The following ADAMTSL1 variants were observed in gnomAD, a reference collection of about 807,000 sequenced individuals.
ADAMTSL1 encodes ADAMTS-like protein 1.
A neutral mutation model predicts 201.8 loss-of-function variants in ADAMTSL1; 126 were observed. That is an observed-to-expected ratio of 0.62 (90% CI 0.54 to 0.72). The LOEUF (loss-of-function observed/expected upper bound fraction) is 0.72, where lower values mean the gene tolerates loss of function less well. Ranked by LOEUF, ADAMTSL1 falls within the 30% of genes least tolerant of loss-of-function variation. The probability of loss-of-function intolerance (pLI) is 0.00; values close to 1 mark genes in which losing one functional copy is unlikely to be tolerated. For synonymous variants in ADAMTSL1, 1,121 were observed against 903.4 expected, an observed-to-expected ratio of 1.24 and a Z score of -4.32; for missense variants, 2,679 against 2,277.8, an observed-to-expected ratio of 1.18 and a Z score of -3.59.
At chr9:18,724,909 C>CAT (rs1817774734) in intron 15 of ADAMTSL1, among the ~76,000 whole-genome samples, 1 of 148,444 alleles carries the variant, frequency 6.7e-6, no homozygotes, top group Non-Finnish European at 1.5e-5. Flanking sequence ...AGGATTGAAC[C>CAT]TTTTTTTTTT....
intron 4 of ADAMTSL1, among the ~76,000 whole-genome samples, chr9:18,574,811 A>G (rs1822604114): frequency 1.3e-5 from 2 of 152,186 alleles, no homozygotes; most frequent in Non-Finnish European, 1.5e-5. Context: ...AATCTTTAAA[A>G]CAGGATTACA....
chr9:18,902,830 T>G (rs551189029), intron 26 of ADAMTSL1, among the ~76,000 whole-genome samples: 1 of 152,216 alleles, frequency 6.6e-6, no homozygotes, highest in African/African-American at 2.4e-5. Context: ...TTTAGCTACA[T>G]TGGCAAAGAA....
At chr9:18,732,083 T>C (rs1818248177) in intron 15 of ADAMTSL1, among the ~76,000 whole-genome samples, 1 of 152,220 alleles carries the variant, frequency 6.6e-6, no homozygotes, top group Admixed American at 6.5e-5. Flanking sequence ...GATGATCGCA[T>C]ATGTAAAACA....
intron 15 of ADAMTSL1, among the ~76,000 whole-genome samples, chr9:18,729,195 C>A (rs565365624): frequency 6.6e-6 from 1 of 152,264 alleles, no homozygotes; most frequent in Non-Finnish European, 1.5e-5. Flanking sequence ...GGTGTCAGGG[C>A]GTCATGAGTG....
chr9:18,781,559 G>A (rs1210751832), intron 19 of ADAMTSL1, among the ~76,000 whole-genome samples: 1 of 152,220 alleles, frequency 6.6e-6, no homozygotes, highest in African/African-American at 2.4e-5. Flanking sequence ...GCTGCCATTA[G>A]GACTGCTTTG....
intron 2 of ADAMTSL1, among the ~76,000 whole-genome samples, chr9:18,520,045 A>T (rs900592359): frequency 6.6e-6 from 1 of 152,192 alleles, no homozygotes; most frequent in African/African-American, 2.4e-5. Flanking sequence ...ATTGGCAGTG[A>T]TTTTTCTAGT....
chr9:18,277,763 T>G (rs1832640964), intron 2 of ADAMTSL1, among the ~76,000 whole-genome samples: 1 of 152,180 alleles, frequency 6.6e-6, no homozygotes, highest in Admixed American at 6.5e-5. Context: ...TTTAATCTAT[T>G]TACAATTTAA....
Position 18,233,619 on chromosome 9 carries a change from G to C in ADAMTSL1, c.207+69638G>C, listed in dbSNP as rs1433004025. Among the ~76,000 whole-genome samples the C allele has an allele frequency of 3.3e-5, 5 of 150,524 alleles. No individual in the cohort carries two copies. In the South Asian group the frequency reaches 8.3e-4, roughly 25 times the overall value. On this transcript the variant is annotated intron_variant, in intron 2 of 29. Coordinates refer to the ADAMTSL1 transcript ENST00000680146. ...AAATTGCGAGGTGAGACAGACAGCA[G>C]ACAAAGAGATGAGAAATTGTGAAAT...
intron 2 of ADAMTSL1, among the ~76,000 whole-genome samples, chr9:18,173,432 A>C (rs1827995888): frequency 1.3e-5 from 2 of 152,108 alleles, no homozygotes; most frequent in Non-Finnish European, 2.9e-5. Flanking sequence ...CTCAGTACTG[A>C]AGGAGAGGGA....
intron 2 of ADAMTSL1, among the ~76,000 whole-genome samples, chr9:18,390,322 G>A (rs555726393): frequency 2.0e-5 from 3 of 152,308 alleles, no homozygotes; most frequent in African/African-American, 7.2e-5. Context: ...CGTAGGGCAT[G>A]CTAATCTTAA....
At chr9:18,847,473 G>T (rs144968598) in intron 23 of ADAMTSL1, among the ~76,000 whole-genome samples, 7 of 152,300 alleles carry the variant, frequency 4.6e-5, no homozygotes, top group Non-Finnish European at 1.0e-4. Context: ...GAAGCAAATG[G>T]CATCATATGG....
intron 6 of ADAMTSL1, 132 bp from the exon 7 acceptor site, chr9:18,639,122 T>C: frequency 1.2e-6 from 1 of 802,270 alleles, no homozygotes; most frequent in Non-Finnish European, 2.0e-6. Flanking sequence ...ATATCACAAT[T>C]TCAATTTTGT....
At chr9:18,532,782 T>C (rs1342363421) in intron 2 of ADAMTSL1, among the ~76,000 whole-genome samples, 1 of 151,544 alleles carries the variant, frequency 6.6e-6, no homozygotes, top group Non-Finnish European at 1.5e-5. Context: ...TAAATAAAAA[T>C]AATTTTTTAA....
chr9:18,568,432 T>C (rs1258211180), intron 3 of ADAMTSL1, among the ~76,000 whole-genome samples: 1 of 152,210 alleles, frequency 6.6e-6, no homozygotes. Flanking sequence ...CCTTTTATGG[T>C]AATCTTTTCT....
intron 9 of ADAMTSL1, among the ~76,000 whole-genome samples, chr9:18,672,459 C>G (rs1370149309): frequency 6.6e-6 from 1 of 152,042 alleles, no homozygotes; most frequent in African/African-American, 2.4e-5. Flanking sequence ...TACTCATAAT[C>G]CTAATACCAA....
At chr9:18,442,807 G>T (rs1337680400) in intron 2 of ADAMTSL1, among the ~76,000 whole-genome samples, 1 of 152,178 alleles carries the variant, frequency 6.6e-6, no homozygotes, top group Non-Finnish European at 1.5e-5. Flanking sequence ...AAAAGGGAGC[G>T]CCACCTAGTG....
chr9:18,758,628 C>T (rs1017860762), intron 16 of ADAMTSL1, among the ~76,000 whole-genome samples: 12 of 152,190 alleles, frequency 7.9e-5, no homozygotes, highest in African/African-American at 2.9e-4. Flanking sequence ...CTCTCTCTGA[C>T]TCAGACCCTC....
chr9:18,234,252 G>T (rs1830755025), intron 2 of ADAMTSL1, among the ~76,000 whole-genome samples: 1 of 152,192 alleles, frequency 6.6e-6, no homozygotes, highest in South Asian at 2.1e-4. Flanking sequence ...GAACGTGTTG[G>T]CAGAGAACGA....
At chr9:18,811,814 A>G (rs1200848792) in intron 20 of ADAMTSL1, among the ~76,000 whole-genome samples, 6 of 152,176 alleles carry the variant, frequency 3.9e-5, no homozygotes, top group Admixed American at 3.9e-4. Context: ...AAGAAATACA[A>G]CTTGTCCCTA....
Sources: allele counts gnomAD v4.1 joint callset (sites outside exome capture counted in the v4.1 genomes callset), GRCh38; gene constraint gnomAD v4.1.1; transcripts MANE v1.5; gene names NCBI Gene and HGNC (gene_info 2026-07-23, HGNC 2026-07-21).